SERPINB12: variants seen among roughly 807,000 people sequenced by gnomAD.
The protein encoded by SERPINB12 is serpin family B member 12, also known as serpin B12.
SERPINB12 carries 57 observed loss-of-function variants against 41.1 expected under a neutral mutation model. The observed-to-expected ratio is 1.39, with a 90% CI of 1.12 to 1.73. The LOEUF (loss-of-function observed/expected upper bound fraction) is 1.73, where lower values mean the gene tolerates loss of function less well. SERPINB12 is among the 40% of genes most tolerant of loss of function. The pLI is 0.00. For synonymous variants in SERPINB12, 180 were observed against 181.3 expected, an observed-to-expected ratio of 0.99 and a Z score of 0.06; for missense variants, 536 against 501.9, an observed-to-expected ratio of 1.07 and a Z score of -0.65.
At chr18:63,565,720 G>T in intron 7 of SERPINB12, 108 bp downstream of exon 7, 1 of 848,012 alleles carries the variant, frequency 1.2e-6, no homozygotes. Context: ...TCAGCTGTCA[G>T]AGACATCAAG....
At chr18:63,546,657 G>T (rs1180901684) in intron 1 of SERPINB12, among the ~76,000 whole-genome samples, 1 of 152,194 alleles carries the variant, frequency 6.6e-6, no homozygotes, top group African/African-American at 2.4e-5. Context: ...GAATTGAAAA[G>T]TGTGAGCCAA....
At chr18:63,524,546 T>A in the SERPINB12 span, among the ~76,000 whole-genome samples, 1 of 152,132 alleles carries the variant, frequency 6.6e-6, no homozygotes, top group African/African-American at 2.4e-5. Flanking sequence ...CGCTTCAGCC[T>A]CCTAAAATTG....
chr18:63,521,618 A>G, the SERPINB12 span, among the ~76,000 whole-genome samples: 1 of 152,316 alleles, frequency 6.6e-6, no homozygotes, highest in African/African-American at 2.4e-5. Context: ...CTTGCCCAAA[A>G]AAAAGGTAGG....
chr18:63,556,484 T>G (rs1910684653), intron 2 of SERPINB12, among the ~76,000 whole-genome samples, 157 bp downstream of exon 2: 1 of 152,164 alleles, frequency 6.6e-6, no homozygotes, highest in Non-Finnish European at 1.5e-5. Context: ...ATTTTCTCCA[T>G]CTTACTTCCT....
the SERPINB12 span, among the ~76,000 whole-genome samples, chr18:63,522,982 G>A: frequency 6.6e-6 from 1 of 152,078 alleles, no homozygotes; most frequent in South Asian, 2.1e-4. Context: ...GATATCATTT[G>A]ATAATGTTTC....
In SERPINB12 at chr18:63,566,753, G is replaced by A. The variant is rs35403067; in HGVS notation, c.1020G>A (p.Thr340=). ...CCATTTTACAAGACATGGGCATTAC[G>A]GATATCTTTGATGAAACGAGGGCTG... ...LNSILQDMGI[T]DIFDETRADL... is the part of the protein sequence containing the mutation. Residue 340 remains threonine (T), a synonymous_variant, in exon 8 of 8, where the codon ACG becomes ACA. Transcript: ENST00000382768. The A allele has an allele frequency of 4.0e-3, 6,400 of 1,614,048 alleles. 211 individuals carry two copies. The African/African-American group carries it at 0.074, about 19-fold the overall frequency.
chr18:63,529,654 C>G, the SERPINB12 span, among the ~76,000 whole-genome samples: 5 of 152,004 alleles, frequency 3.3e-5, no homozygotes, highest in Non-Finnish European at 7.4e-5. Flanking sequence ...TCTTTCATAA[C>G]TTTACTGCAT....
At chr18:63,551,161 C>G (rs548933809) in intron 1 of SERPINB12, among the ~76,000 whole-genome samples, 1 of 151,476 alleles carries the variant, frequency 6.6e-6, no homozygotes, top group South Asian at 2.1e-4. Context: ...CCCAGCTACT[C>G]GGGAGGCTGA....
chr18:63,559,431 C>T, intron 3 of SERPINB12, 147 bp from the exon 4 acceptor site: 1 of 732,870 alleles, frequency 1.4e-6, no homozygotes, highest in South Asian at 1.9e-5. Flanking sequence ...TTCTTCCCAG[C>T]TCACTTCCCC....
the SERPINB12 span, among the ~76,000 whole-genome samples, chr18:63,520,536 C>G: frequency 6.6e-6 from 1 of 152,018 alleles, no homozygotes; most frequent in Non-Finnish European, 1.5e-5. Context: ...CAACAGGTGT[C>G]CTTGCAAGGG....
chr18:63,544,242 G>A (rs1214536299), intron 1 of SERPINB12, among the ~76,000 whole-genome samples: 1 of 152,166 alleles, frequency 6.6e-6, no homozygotes, highest in Non-Finnish European at 1.5e-5. Flanking sequence ...CAGGCAGAGG[G>A]CTGGATTTGG....
intron 6 of SERPINB12, 64 bp from the exon 7 acceptor site, chr18:63,565,380 TG>T (rs1911060839): frequency 2.7e-6 from 4 of 1,470,678 alleles, no homozygotes; most frequent in African/African-American, 1.4e-5. Flanking sequence ...TCCGTGAAGC[TG>T]GGGCCATATG....
At chr18:63,548,859 C>T (rs1910452715) in intron 1 of SERPINB12, among the ~76,000 whole-genome samples, 1 of 151,836 alleles carries the variant, frequency 6.6e-6, no homozygotes, top group Non-Finnish European at 1.5e-5. Context: ...TTTTGGCTGA[C>T]AGTATGAAAG....
rs1911107440 is a variant in SERPINB12, at chr18:63,566,657, A to T, written c.924A>T (p.Glu308Asp). The change falls in exon 8 of 8, where the codon GAA becomes GAT. Residue 308 changes from glutamate (E) to aspartate (D), a missense_variant. Transcript: ENST00000382768. ...AAATGGTGGCCTGGAGCAGCTCAGA[A>T]AACATGTCAGAAGAATCGGTGGTCC... ...YEKMVAWSSS[E>D]NMSEESVVLS... 1.9e-6 allele frequency: 3 copies of T among 1,613,798 alleles called. No homozygotes were observed. Among genetic ancestry groups the T allele is most frequent in the Non-Finnish European group, 2.5e-6 (3 of 1,179,980 alleles).
the SERPINB12 span, among the ~76,000 whole-genome samples, chr18:63,520,604 G>C: frequency 6.6e-6 from 1 of 152,152 alleles, no homozygotes; most frequent in African/African-American, 2.4e-5. Flanking sequence ...CTGATCAGAG[G>C]CTGTTGACTC....
At chr18:63,545,262 A>G (rs117641316) in intron 1 of SERPINB12, among the ~76,000 whole-genome samples, 507 of 150,744 alleles carry the variant, frequency 3.4e-3, no homozygotes, top group Non-Finnish European at 4.9e-3. Context: ...AGGCTAGTTG[A>G]CCTCCAAATT....
upstream of SERPINB12, among the ~76,000 whole-genome samples, chr18:63,538,641 T>C (rs1910217987): frequency 6.6e-6 from 1 of 152,230 alleles, no homozygotes; most frequent in Non-Finnish European, 1.5e-5. Flanking sequence ...TGATTAATAT[T>C]GCTATGAACA....
At chr18:63,562,099 G>T (rs948776722) in intron 5 of SERPINB12, among the ~76,000 whole-genome samples, 1 of 152,144 alleles carries the variant, frequency 6.6e-6, no homozygotes, top group African/African-American at 2.4e-5. Flanking sequence ...ATTTATTATT[G>T]CAGTTTTGGT....
intron 6 of SERPINB12, among the ~76,000 whole-genome samples, chr18:63,565,128 A>C (rs897935886): frequency 1.7e-4 from 26 of 152,166 alleles, no homozygotes; most frequent in African/African-American, 6.0e-4. Context: ...GTGAGGCTGC[A>C]GTGAGCTATG....
Sources: gnomAD v4.1 joint callset for allele counts (sites outside exome capture counted in the v4.1 genomes callset) on GRCh38, gnomAD v4.1.1 for gene constraint, MANE v1.5 for transcripts, NCBI Gene and HGNC (gene_info 2026-07-23, HGNC 2026-07-21) for gene names.